Variants in CDH8 observed in about 807,000 individuals in gnomAD.
CDH8 encodes the protein cadherin 8.
A neutral mutation model predicts 68.1 loss-of-function variants in CDH8; 17 were observed. The ratio of observed to expected loss-of-function variants is 0.25; its 90% CI spans 0.17 to 0.37. The LOEUF (loss-of-function observed/expected upper bound fraction) is 0.37. CDH8 is among the 10% of genes least tolerant of loss of function. The pLI is 1.00. For synonymous variants in CDH8, 372 were observed against 365.1 expected (o/e 1.02, Z -0.21); for missense variants, 763 against 999.3 (o/e 0.76, Z 3.19).
At chr16:61,736,925 T>A (rs1228903146) in intron 8 of CDH8, among the ~76,000 whole-genome samples, 1 of 152,184 alleles carries the variant, frequency 6.6e-6, no homozygotes, top group Admixed American at 6.6e-5. Flanking sequence ...ACAAGAGATG[T>A]GACAAAGTGG....
intron 10 of CDH8, among the ~76,000 whole-genome samples, chr16:61,698,709 G>A (rs1216622810): frequency 6.6e-6 from 1 of 152,096 alleles, no homozygotes; most frequent in Non-Finnish European, 1.5e-5. Context: ...AACTCTATCC[G>A]CTTAATCTCC....
intron 2 of CDH8, among the ~76,000 whole-genome samples, chr16:61,933,714 T>C (rs937923756): frequency 6.6e-6 from 1 of 151,934 alleles, no homozygotes. Flanking sequence ...GTGCTGGTGG[T>C]GATTTTTTTT....
intron 2 of CDH8, among the ~76,000 whole-genome samples, chr16:61,994,799 A>G (rs766071685): frequency 6.6e-6 from 1 of 152,202 alleles, no homozygotes; most frequent in African/African-American, 2.4e-5. Flanking sequence ...TTTCAGAACC[A>G]CTGCAAGAGA....
At chr16:61,838,517 C>T (rs1369397879) in intron 4 of CDH8, among the ~76,000 whole-genome samples, 1 of 152,114 alleles carries the variant, frequency 6.6e-6, no homozygotes, top group Admixed American at 6.6e-5. Context: ...TGATAAAAGA[C>T]TGGTTCCCTC....
chr16:62,004,549 G>T (rs1209443391), intron 2 of CDH8, among the ~76,000 whole-genome samples: 1 of 152,214 alleles, frequency 6.6e-6, no homozygotes, highest in Non-Finnish European at 1.5e-5. Context: ...AACAAAAAAA[G>T]GTAGAAGCTG....
chr16:61,737,197 G>A (rs1959721424), intron 8 of CDH8, among the ~76,000 whole-genome samples: 1 of 152,122 alleles, frequency 6.6e-6, no homozygotes, highest in African/African-American at 2.4e-5. Flanking sequence ...ATGAGCTGCT[G>A]TTTTTGCAGG....
chr16:61,826,276 C>G (rs1246419578), intron 4 of CDH8, among the ~76,000 whole-genome samples: 1 of 151,846 alleles, frequency 6.6e-6, no homozygotes, highest in African/African-American at 2.4e-5. Flanking sequence ...GTACAATATA[C>G]TATACATGGC....
In CDH8 at chr16:61,932,195, A is replaced by G. The variant is rs1172111233; in HGVS notation, c.253-30722T>C. Among the ~76,000 whole-genome samples, 3 of 149,254 alleles carry G rather than the reference A, an allele frequency of 2.0e-5. No individual in the cohort carries two copies. The East Asian group carries it at 6.0e-4, about 30-fold the overall frequency. The stretch of plus-strand genomic sequence containing the variant: ...GCACTCCAGGCCTGGGCCACAGAGC[A>G]AAACTCCGTCTCAAAAAAAAAAAAA... On this transcript the variant is annotated intron_variant, in intron 2 of 11. Transcript: ENST00000577390.
At chr16:61,892,994 G>A (rs1357581493) in intron 3 of CDH8, among the ~76,000 whole-genome samples, 1 of 152,098 alleles carries the variant, frequency 6.6e-6, no homozygotes, top group African/African-American at 2.4e-5. Flanking sequence ...GTTTCCCTGG[G>A]CTGCCATGAC....
chr16:61,963,946 T>G (rs1028960280), intron 2 of CDH8, among the ~76,000 whole-genome samples: 1 of 152,184 alleles, frequency 6.6e-6, no homozygotes, highest in Non-Finnish European at 1.5e-5. Flanking sequence ...CATTTCTCTC[T>G]AGAAAGTCCT....
chr16:61,930,246 T>G (rs1344628946), intron 2 of CDH8, among the ~76,000 whole-genome samples: 1 of 151,390 alleles, frequency 6.6e-6, no homozygotes, highest in African/African-American at 2.4e-5. Flanking sequence ...AGGATTTTCT[T>G]GTTTAAATTA....
At chr16:61,813,113 T>C (rs1451990840) in intron 7 of CDH8, among the ~76,000 whole-genome samples, 3 of 152,140 alleles carry the variant, frequency 2.0e-5, no homozygotes, top group Non-Finnish European at 4.4e-5. Context: ...GATCACAGCA[T>C]TTATACTCTG....
intron 10 of CDH8, among the ~76,000 whole-genome samples, chr16:61,670,854 C>T (rs749960367): frequency 1.1e-4 from 16 of 151,810 alleles, no homozygotes; most frequent in Non-Finnish European, 2.9e-5. Flanking sequence ...ACATCCCCAG[C>T]GAGATGGAGC....
intron 8 of CDH8, among the ~76,000 whole-genome samples, chr16:61,765,511 T>G (rs1297124097): frequency 2.0e-5 from 3 of 152,046 alleles, no homozygotes; most frequent in Admixed American, 6.6e-5. Context: ...GTTGATTTAA[T>G]TTATCATTTT....
chr16:61,844,177 C>T (rs1005107950), intron 4 of CDH8, among the ~76,000 whole-genome samples: 3 of 146,892 alleles, frequency 2.0e-5, no homozygotes, highest in Non-Finnish European at 4.5e-5. Flanking sequence ...ATCGCAAGGA[C>T]AAAAAAACAA....
intron 7 of CDH8, among the ~76,000 whole-genome samples, chr16:61,799,937 C>G (rs992328370): frequency 6.6e-5 from 10 of 152,088 alleles, no homozygotes; most frequent in Admixed American, 2.0e-4. Flanking sequence ...CTCACGAGGT[C>G]TCCCTCTGTC....
rs2142733562 is a variant in CDH8 at position 61,652,987 on chromosome 16, A to G, written c.*621T>C. On this transcript the variant is annotated 3_prime_UTR_variant, in exon 12 of 12. Transcript: ENST00000577390. ...CCTGGAATGGATTACGAACATGTGAATATTTTAAGGCTCGACACAATATTT... is the reference window on the plus strand; with the variant it reads ...CCTGGAATGGATTACGAACATGTGAGTATTTTAAGGCTCGACACAATATTT... The G allele has an allele frequency of 6.7e-7, 1 of 1,483,616 alleles. No individual in the cohort carries two copies. Among genetic ancestry groups the G allele is most frequent in the Admixed American group, 2.3e-5 (1 of 43,370 alleles). 91.9% of individuals were successfully genotyped at this position (1,483,616 alleles called of 1,614,324 possible). A position where few individuals can be genotyped will look rare whatever the true frequency, so the allele number is the denominator to read the frequency against.
intron 8 of CDH8, among the ~76,000 whole-genome samples, chr16:61,751,353 T>A (rs1443464170): frequency 7.5e-6 from 1 of 133,788 alleles, no homozygotes; most frequent in Non-Finnish European, 1.5e-5. Context: ...GGTTAAGTAG[T>A]TGGCACAAAT....
At chr16:61,891,004 C>T (rs191717817) in intron 3 of CDH8, among the ~76,000 whole-genome samples, 52 of 152,058 alleles carry the variant, frequency 3.4e-4, no homozygotes, top group South Asian at 6.2e-4. Context: ...TGACTGAAAG[C>T]GATGTTTCTA....
Sources: allele counts gnomAD v4.1 joint callset (sites outside exome capture counted in the v4.1 genomes callset), GRCh38; gene constraint gnomAD v4.1.1; transcripts MANE v1.5; gene names NCBI Gene and HGNC (gene_info 2026-07-23, HGNC 2026-07-21).